Variants in TMC1 observed in about 807,000 individuals in gnomAD.
TMC1 encodes transmembrane channel-like protein 1.
In TMC1, 84 loss-of-function variants were observed where a neutral mutation model predicts 105.8. The observed-to-expected ratio is 0.79, with a 90% CI of 0.67 to 0.95. TMC1 has a LOEUF of 0.95. Ranked by LOEUF, TMC1 falls within the 40% of genes least tolerant of loss-of-function variation. The pLI is 0.00. For synonymous variants in TMC1, 315 were observed against 311.5 expected (o/e 1.01, Z -0.12); for missense variants, 817 against 914.1 (o/e 0.89, Z 1.37).
At chr9:72,619,989 C>T (rs1391414278) in intron 3 of TMC1, among the ~76,000 whole-genome samples, 1 of 151,974 alleles carries the variant, frequency 6.6e-6, no homozygotes, top group African/African-American at 2.4e-5. Context: ...CATGTGCCAC[C>T]ATGCCCAGCT....
chr9:72,531,195 T>C (rs1823494019), intron 1 of TMC1, among the ~76,000 whole-genome samples: 1 of 152,144 alleles, frequency 6.6e-6, no homozygotes, highest in Admixed American at 6.5e-5. Flanking sequence ...ACACAGTTGT[T>C]TATATATTTA....
At chr9:72,694,310 T>C (rs1427423644) in intron 6 of TMC1, among the ~76,000 whole-genome samples, 2 of 152,170 alleles carry the variant, frequency 1.3e-5, no homozygotes, top group Non-Finnish European at 1.5e-5. Context: ...AATTTGGGAA[T>C]CCACATTCAC....
At chr9:72,631,708 C>T (rs960154623) in intron 4 of TMC1, among the ~76,000 whole-genome samples, 6 of 152,152 alleles carry the variant, frequency 3.9e-5, no homozygotes, top group African/African-American at 9.7e-5. Context: ...TCTGGTGCTT[C>T]CAAAAGCATC....
At chr9:72,783,471 C>T (rs1828124134) in intron 13 of TMC1, among the ~76,000 whole-genome samples, 1 of 152,102 alleles carries the variant, frequency 6.6e-6, no homozygotes, top group Admixed American at 6.5e-5. Flanking sequence ...ACTCAGCAAG[C>T]CAGCTTACCC....
At position 72,575,444 on chromosome 9, in the gene TMC1, G is replaced by C. The variant is rs149150836; in HGVS notation, c.-427-2458G>C. 2.6e-5 allele frequency among the ~76,000 whole-genome samples: 4 copies of C among 152,296 alleles called. No individual in the cohort carries two copies. The East Asian group carries it at 7.7e-4, about 29-fold the overall frequency. ...GATCTGCCCGCCTCGGCCTCCCAAA[G>C]TGCTGGGATTACACGTGTGAGCCAC... On this transcript the variant is annotated intron_variant, in intron 1 of 23. Transcript: ENST00000297784.
At chr9:72,805,176 A>G in intron 17 of TMC1, 1 of 425,658 alleles carries the variant, frequency 2.3e-6, no homozygotes, top group South Asian at 3.6e-5. Context: ...CTTTTGATTT[A>G]GTAAACGGGA....
At chr9:72,584,245 T>G (rs1274196493) in intron 2 of TMC1, among the ~76,000 whole-genome samples, 1 of 150,360 alleles carries the variant, frequency 6.7e-6, no homozygotes, top group Non-Finnish European at 1.5e-5. Context: ...GGAGGTTGCA[T>G]GAAGAAAGCA....
intron 6 of TMC1, among the ~76,000 whole-genome samples, chr9:72,689,381 G>A (rs2132184695): frequency 6.6e-6 from 1 of 152,178 alleles, no homozygotes; most frequent in Admixed American, 6.5e-5. Context: ...AGTATTTTTA[G>A]GTTTCATGCA....
At chr9:72,780,952 AC>A (rs1312744687) in intron 13 of TMC1, among the ~76,000 whole-genome samples, 3 of 152,168 alleles carry the variant, frequency 2.0e-5, no homozygotes, top group Admixed American at 2.0e-4. Flanking sequence ...TGAACTCAAC[AC>A]ATGACCAAAT....
At chr9:72,809,429 T>A (rs909235313) in intron 18 of TMC1, among the ~76,000 whole-genome samples, 6 of 152,210 alleles carry the variant, frequency 3.9e-5, no homozygotes, top group Admixed American at 3.3e-4. Flanking sequence ...AAAACAAGTT[T>A]TAAAACATTA....
At position 72,719,288 on chromosome 9, in the gene TMC1, C is replaced by A. The variant is rs1182549816; in HGVS notation, c.362+18645C>A. On this transcript the variant is annotated intron_variant, in intron 8 of 23. Coordinates refer to ENST00000297784, the MANE Select transcript of TMC1 (RefSeq NM_138691.3). ...TGTGGTCTTTTCCCAGTTCCTCTGGCAGCCCTCCTCAAGGACTCCTGTGAG... is the reference window on the plus strand; with the variant it reads ...TGTGGTCTTTTCCCAGTTCCTCTGGAAGCCCTCCTCAAGGACTCCTGTGAG... Among the ~76,000 whole-genome samples, 3 of 152,318 alleles carry A rather than the reference C, an allele frequency of 2.0e-5. No individual in the cohort carries two copies. The South Asian group carries it at 6.2e-4, about 32-fold the overall frequency.
chr9:72,554,742 T>C (rs1420939236), intron 1 of TMC1, among the ~76,000 whole-genome samples: 25 of 152,180 alleles, frequency 1.6e-4, no homozygotes, highest in Non-Finnish European at 4.4e-5. Context: ...ATCGTGTGAT[T>C]TATAAGGGGC....
chr9:72,591,190 G>A (rs1458358620), intron 2 of TMC1, among the ~76,000 whole-genome samples: 1 of 152,120 alleles, frequency 6.6e-6, no homozygotes, highest in Non-Finnish European at 1.5e-5. Flanking sequence ...CTATATCAAG[G>A]TGAATTTTAA....
At chr9:72,790,929 A>G (rs957265545) in intron 15 of TMC1, among the ~76,000 whole-genome samples, 1 of 152,182 alleles carries the variant, frequency 6.6e-6, no homozygotes, top group Non-Finnish European at 1.5e-5. Context: ...ATAGTCTGGT[A>G]GTTATTATAA....
intron 20 of TMC1, 24 bp from the exon 21 acceptor site, chr9:72,826,845 T>C: frequency 6.2e-7 from 1 of 1,613,232 alleles, no homozygotes; most frequent in Non-Finnish European, 8.5e-7. Context: ...AATAAACTTA[T>C]CTCCCCCTTT....
chr9:72,685,521 G>A (rs779988344), intron 5 of TMC1, among the ~76,000 whole-genome samples: 3 of 151,920 alleles, frequency 2.0e-5, no homozygotes, highest in Non-Finnish European at 4.4e-5. Context: ...CTGCCACCAA[G>A]CCCAGCTAAT....
intron 8 of TMC1, among the ~76,000 whole-genome samples, chr9:72,734,562 T>C (rs1464082410): frequency 6.6e-6 from 1 of 152,040 alleles, no homozygotes; most frequent in Non-Finnish European, 1.5e-5. Context: ...CTCTAGTTCT[T>C]ATTTTTAATC....
intron 6 of TMC1, among the ~76,000 whole-genome samples, chr9:72,693,841 C>T (rs1366616388): frequency 6.6e-6 from 1 of 152,018 alleles, no homozygotes; most frequent in Non-Finnish European, 1.5e-5. Flanking sequence ...ATGAGGCATT[C>T]ATTGTTGTTG....
rs551537151 is a variant in TMC1 at position 72,618,021 on chromosome 9, T to C, written c.-196+1544T>C. Among the ~76,000 whole-genome samples, 9 of 129,860 alleles carry C rather than the reference T, an allele frequency of 6.9e-5. No homozygotes were observed. The South Asian group carries it at 2.3e-3, about 33-fold the overall frequency. The allele number at this position is 129,860 out of a possible 152,430, so 85.2% of individuals were successfully genotyped here. On this transcript the variant is annotated intron_variant, in intron 3 of 23. Transcript: ENST00000297784. ...TAGGAGCGAGACTTCTCTGGGTACA[T>C]CTTTTTTTTTTTTTTTTTTTTTTTT...
Sources: allele counts gnomAD v4.1 joint callset (sites outside exome capture counted in the v4.1 genomes callset), GRCh38; gene constraint gnomAD v4.1.1; transcripts MANE v1.5; gene names NCBI Gene and HGNC (gene_info 2026-07-23, HGNC 2026-07-21).